DYNC1I1: variants seen among roughly 807,000 people sequenced by gnomAD.
The protein encoded by DYNC1I1 is cytoplasmic dynein 1 intermediate chain 1.
A neutral mutation model predicts 86.6 loss-of-function variants in DYNC1I1; 43 were observed. The observed-to-expected ratio is 0.50, with a 90% CI of 0.39 to 0.64. The LOEUF (loss-of-function observed/expected upper bound fraction) is 0.64. Ranked by LOEUF, DYNC1I1 falls within the 30% of genes least tolerant of loss-of-function variation. The probability of loss-of-function intolerance (pLI) is 0.00; values close to 1 mark genes in which losing one functional copy is unlikely to be tolerated. For missense variants in DYNC1I1, 604 were observed against 788.8 expected (o/e 0.77, Z 2.81); for synonymous variants, 262 against 283.7 (o/e 0.92, Z 0.77).
chr7:95,878,647 G>A (rs1490569467), intron 6 of DYNC1I1, among the ~76,000 whole-genome samples: 2 of 151,910 alleles, frequency 1.3e-5, no homozygotes, highest in African/African-American at 4.8e-5. Flanking sequence ...ATAGATCAAA[G>A]AAAAAGGAGT....
At chr7:95,887,678 A>T (rs984446800) in intron 6 of DYNC1I1, among the ~76,000 whole-genome samples, 1 of 152,202 alleles carries the variant, frequency 6.6e-6, no homozygotes, top group Admixed American at 6.5e-5. Context: ...CAAAGGTTGC[A>T]AAATATCTGT....
chr7:95,846,492 TG>T (rs1789429200), intron 5 of DYNC1I1, among the ~76,000 whole-genome samples: 1 of 152,218 alleles, frequency 6.6e-6, no homozygotes, highest in South Asian at 2.1e-4. Flanking sequence ...CTTCCTAAAA[TG>T]ACTTTTTAAA....
chr7:96,097,821 T>C lies in DYNC1I1; in HGVS notation c.*228T>C. On this transcript the variant is annotated 3_prime_UTR_variant, in exon 17 of 17. Coordinates refer to ENST00000447467, the MANE Select transcript of DYNC1I1 (RefSeq NM_001135556.2). ...TATCTTTATATTTCTGTCTCAAAAA[T>C]GAAGAGAAGGGGGTTATGGGTTAAG... 7.9e-7 allele frequency: 1 copy of C among 1,263,244 alleles called. No individual in the cohort carries two copies. The highest frequency in any genetic ancestry group is 2.5e-5 in the South Asian group (1 of 40,216). The allele number at this position is 1,263,244 out of a possible 1,614,324, so 78.3% of individuals were successfully genotyped here.
At chr7:96,084,586 C>T (rs555718248) in intron 16 of DYNC1I1, among the ~76,000 whole-genome samples, 1 of 152,058 alleles carries the variant, frequency 6.6e-6, no homozygotes, top group South Asian at 2.1e-4. Context: ...CAACACCCAG[C>T]AAATTTTTGT....
chr7:96,031,651 T>TTATACAATA (rs1245632424), intron 11 of DYNC1I1, among the ~76,000 whole-genome samples: 2 of 152,180 alleles, frequency 1.3e-5, no homozygotes, highest in Non-Finnish European at 2.9e-5. Context: ...GAACCATCCT[T>TTATACAATA]TATACAATAG....
chr7:95,846,629 G>C (rs1296511439), intron 5 of DYNC1I1, among the ~76,000 whole-genome samples: 1 of 139,274 alleles, frequency 7.2e-6, no homozygotes, highest in African/African-American at 3.1e-5. Context: ...CTCTCTCTCT[G>C]TGTGTGTGTG....
intron 1 of DYNC1I1, among the ~76,000 whole-genome samples, chr7:95,781,652 C>T (rs951091519): frequency 1.3e-5 from 2 of 152,140 alleles, no homozygotes; most frequent in African/African-American, 4.8e-5. Context: ...CGCTACCTTC[C>T]CAAATGCTGG....
intron 6 of DYNC1I1, among the ~76,000 whole-genome samples, chr7:95,873,742 A>G (rs1790233249): frequency 6.6e-6 from 1 of 152,190 alleles, no homozygotes; most frequent in Admixed American, 6.5e-5. Flanking sequence ...TGAAGATGCA[A>G]AGAGAAAGGC....
At chr7:96,080,702 G>A (rs549639807) in intron 16 of DYNC1I1, among the ~76,000 whole-genome samples, 43 of 152,230 alleles carry the variant, frequency 2.8e-4, no homozygotes, top group African/African-American at 1.0e-3. Flanking sequence ...AACAATCTAA[G>A]CTCCTTTTAG....
At chr7:96,019,177 G>A (rs1794478148) in intron 10 of DYNC1I1, among the ~76,000 whole-genome samples, 1 of 152,146 alleles carries the variant, frequency 6.6e-6, no homozygotes, top group South Asian at 2.1e-4. Context: ...TTTGTAGTGA[G>A]AACACATAAA....
At chr7:95,978,126 G>A (rs766019418) in intron 7 of DYNC1I1, among the ~76,000 whole-genome samples, 6 of 152,094 alleles carry the variant, frequency 3.9e-5, no homozygotes, top group Non-Finnish European at 8.8e-5. Flanking sequence ...GGCTCACTAT[G>A]CCCTTGGCTC....
At chr7:96,017,011 A>C (rs1305493403) in intron 10 of DYNC1I1, among the ~76,000 whole-genome samples, 1 of 152,120 alleles carries the variant, frequency 6.6e-6, no homozygotes, top group Non-Finnish European at 1.5e-5. Flanking sequence ...GGAGACATTC[A>C]CAAGTCTTCC....
chr7:95,930,024 A>G lies in DYNC1I1; in HGVS notation c.491-47488A>G, dbSNP rs571106959. 3.9e-3 allele frequency among the ~76,000 whole-genome samples: 597 copies of G among 152,350 alleles called. 2 individuals are homozygous for G. Among genetic ancestry groups the G allele is most frequent in the Non-Finnish European group, 6.6e-3 (451 of 68,030 alleles). On this transcript the variant is annotated intron_variant, in intron 6 of 16. Transcript: ENST00000447467. ...ACAGCACAGAAGGTTAGATTCACGAATGCTAGAGAAGTAGCCCTGATTTCT... is the reference window on the plus strand; with the variant it reads ...ACAGCACAGAAGGTTAGATTCACGAGTGCTAGAGAAGTAGCCCTGATTTCT...
intron 13 of DYNC1I1, 83 bp downstream of exon 13, chr7:96,035,835 A>G: frequency 3.8e-6 from 6 of 1,572,820 alleles, no homozygotes; most frequent in East Asian, 2.3e-5. Context: ...ACCACCTTGC[A>G]TTATGAGAAA....
chr7:95,905,700 G>T (rs1269261044), intron 6 of DYNC1I1, among the ~76,000 whole-genome samples: 1 of 150,384 alleles, frequency 6.6e-6, no homozygotes, highest in Non-Finnish European at 1.5e-5. Context: ...TTGTGTCTGG[G>T]CTTTTTTTTT....
At chr7:96,103,891 C>T (rs547286426) in intron 16 of DYNC1I1, among the ~76,000 whole-genome samples, 107 of 152,288 alleles carry the variant, frequency 7.0e-4, no homozygotes, top group Middle Eastern at 3.4e-3. Context: ...GGATTACAGG[C>T]GTGAGCCACC....
chr7:95,787,452 G>T (rs1794178163), intron 1 of DYNC1I1, among the ~76,000 whole-genome samples: 1 of 152,102 alleles, frequency 6.6e-6, no homozygotes, highest in Admixed American at 6.6e-5. Context: ...GGCAATTGAG[G>T]GCACCAAAAC....
At chr7:95,874,551 C>T (rs533105097) in intron 6 of DYNC1I1, among the ~76,000 whole-genome samples, 7 of 152,188 alleles carry the variant, frequency 4.6e-5, no homozygotes, top group East Asian at 1.9e-4. Flanking sequence ...ACCCCTAATA[C>T]GACTATGTTT....
At chr7:95,906,995 G>A (rs1050856855) in intron 6 of DYNC1I1, among the ~76,000 whole-genome samples, 2 of 152,100 alleles carry the variant, frequency 1.3e-5, no homozygotes, top group African/African-American at 4.8e-5. Flanking sequence ...ACAGAAATGT[G>A]GTTTCATAGT....
Sources: allele counts gnomAD v4.1 joint callset (sites outside exome capture counted in the v4.1 genomes callset), GRCh38; gene constraint gnomAD v4.1.1; transcripts MANE v1.5; gene names NCBI Gene and HGNC (gene_info 2026-07-23, HGNC 2026-07-21).